Variants in MAGI2 observed in about 807,000 individuals in gnomAD.
The protein encoded by MAGI2 is membrane associated guanylate kinase, WW and PDZ domain containing 2, also known as membrane-associated guanylate kinase, WW and PDZ domain-containing protein 2.
In MAGI2, 35 loss-of-function variants were observed where a neutral mutation model predicts 133.3. That is an observed-to-expected ratio of 0.26 (90% CI 0.20 to 0.35). The LOEUF (loss-of-function observed/expected upper bound fraction) is 0.35. MAGI2 is among the 10% of genes least tolerant of loss of function. MAGI2 has a pLI of 1.00. For missense variants in MAGI2, 1,636 were observed against 1,863.4 expected (o/e 0.88, Z 2.25); for synonymous variants, 729 against 710.6 (o/e 1.03, Z -0.41).
chr7:78,501,875 G>T, intron 4 of MAGI2, 88 bp from the exon 5 acceptor site: 1 of 916,032 alleles, frequency 1.1e-6, no homozygotes, highest in Non-Finnish European at 1.7e-6. Flanking sequence ...GGGAATAAAC[G>T]TCATGAATAA....
chr7:78,174,337 C>T (rs1826390989), intron 14 of MAGI2, among the ~76,000 whole-genome samples: 1 of 152,154 alleles, frequency 6.6e-6, no homozygotes, highest in Non-Finnish European at 1.5e-5. Flanking sequence ...CTGGTGGAAA[C>T]CCCTTAGGTT....
intron 1 of MAGI2, among the ~76,000 whole-genome samples, chr7:79,305,054 C>T (rs1226422661): frequency 6.6e-6 from 1 of 152,120 alleles, no homozygotes; most frequent in Non-Finnish European, 1.5e-5. Flanking sequence ...TGGGAAAATA[C>T]AGATGAGGAA....
rs2129210662 is a variant in MAGI2 at position 79,453,168 on chromosome 7, C to G, written c.153G>C (p.Lys51Asn). 1.9e-6 allele frequency: 3 copies of G among 1,614,098 alleles called. No individual in the cohort carries two copies. The highest frequency in any genetic ancestry group is 2.5e-6 in the Non-Finnish European group (3 of 1,180,046). ...ATTTGCTGCCGCTCTCATAGGCCAC[C>G]TTGCCGGGCTTCACCTCCCCCAGGT... ...FPYLGEVKPG[K>N]VAYESGSKLV... Residue 51 changes from lysine (K) to asparagine (N), a missense_variant, in exon 1 of 22, where the codon AAG becomes AAC. Coordinates refer to ENST00000354212, the MANE Select transcript of MAGI2 (RefSeq NM_012301.4).
chr7:78,297,189 G>T (rs1041433246), intron 9 of MAGI2, among the ~76,000 whole-genome samples: 2 of 152,168 alleles, frequency 1.3e-5, no homozygotes, highest in Non-Finnish European at 2.9e-5. Context: ...GGAGGACAAA[G>T]AGCAACTTTA....
chr7:78,388,335 T>A (rs1345973166), intron 6 of MAGI2, among the ~76,000 whole-genome samples: 2 of 152,148 alleles, frequency 1.3e-5, no homozygotes, highest in African/African-American at 4.8e-5. Flanking sequence ...GTAACCATAA[T>A]AGCAGCAATA....
At chr7:79,130,457 G>A (rs975455959) in intron 1 of MAGI2, among the ~76,000 whole-genome samples, 11 of 152,174 alleles carry the variant, frequency 7.2e-5, no homozygotes, top group Admixed American at 3.3e-4. Flanking sequence ...CAATGCTGCC[G>A]CAACTGATTA....
chr7:79,441,427 T>A (rs908708267), intron 1 of MAGI2, among the ~76,000 whole-genome samples: 7 of 152,338 alleles, frequency 4.6e-5, no homozygotes, highest in Middle Eastern at 3.4e-3. Context: ...TTCCAGTTAA[T>A]TTTAAAAGGG....
At chr7:79,342,590 A>T (rs916092951) in intron 1 of MAGI2, among the ~76,000 whole-genome samples, 1 of 152,220 alleles carries the variant, frequency 6.6e-6, no homozygotes, top group South Asian at 2.1e-4. Flanking sequence ...AATCACATAC[A>T]GTGCGTACTC....
At chr7:78,419,744 G>A (rs576188519) in intron 6 of MAGI2, among the ~76,000 whole-genome samples, 10 of 151,912 alleles carry the variant, frequency 6.6e-5, no homozygotes, top group African/African-American at 2.2e-4. Flanking sequence ...AAGCATATAC[G>A]TTAGCAGTTT....
intron 2 of MAGI2, among the ~76,000 whole-genome samples, chr7:78,731,281 T>C (rs945549839): frequency 1.3e-5 from 2 of 152,082 alleles, no homozygotes; most frequent in African/African-American, 4.8e-5. Flanking sequence ...ACTGTAAAAA[T>C]TGCTTCTGAA....
intron 1 of MAGI2, among the ~76,000 whole-genome samples, chr7:79,085,313 T>G (rs1167209622): frequency 6.6e-6 from 1 of 151,860 alleles, no homozygotes; most frequent in Non-Finnish European, 1.5e-5. Context: ...CTTGAGAATA[T>G]ATTTTTGACT....
chr7:79,214,887 A>T (rs994517217), intron 1 of MAGI2, among the ~76,000 whole-genome samples: 5 of 145,148 alleles, frequency 3.4e-5, no homozygotes, highest in Admixed American at 6.9e-5. Context: ...CAAAATTATA[A>T]AATTTATAAA....
rs1819444154 is a variant in MAGI2, at chr7:79,116,736, G to A, written c.302-109530C>T. 2.6e-5 allele frequency among the ~76,000 whole-genome samples: 4 copies of A among 152,150 alleles called. No homozygotes were observed. In the South Asian group the frequency reaches 6.2e-4, roughly 24 times the overall value. ...GCAACATCACCTTGATGATAAATAA[G>A]TTCTTGCTCAGTTCCTCCACCCAAC... On this transcript the variant is annotated intron_variant, in intron 1 of 21. Coordinates refer to ENST00000354212, the MANE Select transcript of MAGI2 (RefSeq NM_012301.4).
chr7:79,449,898 A>ATATATAT (rs1392951061), intron 1 of MAGI2, among the ~76,000 whole-genome samples: 5 of 141,184 alleles, frequency 3.5e-5, no homozygotes, highest in Non-Finnish European at 6.2e-5. Flanking sequence ...ATATATATAT[A>ATATATAT]ATGTCTTAAA....
chr7:78,296,668 C>T (rs141008739), intron 9 of MAGI2, among the ~76,000 whole-genome samples: 2 of 152,286 alleles, frequency 1.3e-5, no homozygotes, highest in African/African-American at 4.8e-5. Context: ...TTAGCTCACT[C>T]CCTTTTCTCC....
intron 1 of MAGI2, among the ~76,000 whole-genome samples, chr7:79,325,219 A>T (rs929656413): frequency 3.3e-5 from 5 of 152,136 alleles, no homozygotes; most frequent in African/African-American, 1.2e-4. Flanking sequence ...TTAGCATGCC[A>T]CTGTCGCCCA....
intron 21 of MAGI2, among the ~76,000 whole-genome samples, chr7:78,049,837 CT>C (rs1811834311): frequency 6.6e-6 from 1 of 152,178 alleles, no homozygotes; most frequent in South Asian, 2.1e-4. Context: ...GCAACGTTTT[CT>C]TATTTAGTTC....
At chr7:78,119,950 T>C (rs1383697951) in intron 20 of MAGI2, among the ~76,000 whole-genome samples, 4 of 152,200 alleles carry the variant, frequency 2.6e-5, no homozygotes, top group South Asian at 2.1e-4. Flanking sequence ...AGGTATGTTA[T>C]GGAAAAAGCT....
At chr7:79,010,086 T>G (rs1385288481) in intron 1 of MAGI2, among the ~76,000 whole-genome samples, 1 of 151,984 alleles carries the variant, frequency 6.6e-6, no homozygotes, top group Admixed American at 6.6e-5. Context: ...TACACATATA[T>G]TTTTGTGTAT....
Sources: gnomAD v4.1 joint callset for allele counts (sites outside exome capture counted in the v4.1 genomes callset) on GRCh38, gnomAD v4.1.1 for gene constraint, MANE v1.5 for transcripts, NCBI Gene and HGNC (gene_info 2026-07-23, HGNC 2026-07-21) for gene names.